The following CCDC66 variants were observed in gnomAD, a reference collection of about 807,000 sequenced individuals.
The protein encoded by CCDC66 is coiled-coil domain-containing protein 66.
CCDC66 carries 133 observed loss-of-function variants against 128.3 expected under a neutral mutation model. That is an observed-to-expected ratio of 1.04 (90% CI 0.90 to 1.20). CCDC66 has a LOEUF of 1.20. Among genes scored for constraint, CCDC66 ranks in the 50% most tolerant of loss-of-function variants. CCDC66 has a pLI of 0.00. For missense variants in CCDC66, 1,126 were observed against 1,075.5 expected, an observed-to-expected ratio of 1.05 and a Z score of -0.66; for synonymous variants, 387 against 357.0, an observed-to-expected ratio of 1.08 and a Z score of -0.95.
Position 56,619,904 on chromosome 3 carries a change from A to G in CCDC66, c.2760+3A>G. On this transcript the variant is annotated splice_donor_region_variant and intron_variant, in intron 17 of 17. Coordinates refer to ENST00000394672, the MANE Select transcript of CCDC66 (RefSeq NM_001141947.3). Reference sequence around the variant, plus strand: ...AGGGACTTTCAGAACTGAGACAGGTATGAGCTTTTTCAAGTGTAGATATGT... The same window carrying G: ...AGGGACTTTCAGAACTGAGACAGGTGTGAGCTTTTTCAAGTGTAGATATGT... The G allele has an allele frequency of 1.2e-6, 2 of 1,613,552 alleles. No individual in the cohort carries two copies. Among genetic ancestry groups the G allele is most frequent in the Non-Finnish European group, 1.7e-6 (2 of 1,179,714 alleles).
intron 13 of CCDC66, chr3:56,616,588 T>G (rs1365346352): frequency 6.4e-6 from 1 of 156,318 alleles, no homozygotes; most frequent in Non-Finnish European, 1.4e-5. Flanking sequence ...TCTCCACTTT[T>G]TGGCTATGAA....
intron 10 of CCDC66, among the ~76,000 whole-genome samples, chr3:56,609,383 G>C (rs2074487358): frequency 1.3e-5 from 2 of 152,158 alleles, no homozygotes; most frequent in South Asian, 4.1e-4. Flanking sequence ...TTGCTTTAAA[G>C]TTTGTTTTGT....
At chr3:56,611,202 A>G (rs1334752451) in intron 10 of CCDC66, among the ~76,000 whole-genome samples, 3 of 151,962 alleles carry the variant, frequency 2.0e-5, no homozygotes, top group South Asian at 2.1e-4. Flanking sequence ...GGGCGGGGCT[A>G]GGTGTGTCTG....
At chr3:56,615,017 C>G in intron 11 of CCDC66, 111 bp from the exon 12 acceptor site, 1 of 1,098,330 alleles carries the variant, frequency 9.1e-7, no homozygotes, top group East Asian at 2.6e-5. Context: ...CCCTTAGTGT[C>G]TAAACAAGTG....
Position 56,621,777 on chromosome 3 carries a change from T to A in CCDC66, c.*159T>A. ...ATGTAGTAAAATGCTGTACTTGTTC[T>A]ATACAATAAAACAGATACTTCTTTT... On this transcript the variant is annotated 3_prime_UTR_variant, in exon 18 of 18. Transcript: ENST00000394672. 1 of 321,752 alleles carries A rather than the reference T, an allele frequency of 3.1e-6. No individual in the cohort carries two copies. Among genetic ancestry groups the A allele is most frequent in the Non-Finnish European group, 5.6e-6 (1 of 177,960 alleles). 19.9% of individuals were successfully genotyped at this position (321,752 alleles called of 1,614,324 possible). A position where few individuals can be genotyped will look rare whatever the true frequency, so the allele number is the denominator to read the frequency against.
At chr3:56,599,622 A>C (rs1244314984) in intron 10 of CCDC66, among the ~76,000 whole-genome samples, 1 of 151,498 alleles carries the variant, frequency 6.6e-6, no homozygotes, top group East Asian at 1.9e-4. Context: ...AATTTTTTTA[A>C]ATTTTTTCCT....
At position 56,617,599 on chromosome 3, in the gene CCDC66, C is replaced by A; in HGVS notation, c.2331C>A (p.Val777=). The A allele has an allele frequency of 6.3e-7, 1 of 1,594,274 alleles. No homozygotes were observed. The highest frequency in any genetic ancestry group is 2.2e-5 in the East Asian group (1 of 44,796). ...AGTCAAAGTTGAGGTGGCATCTAGT[C>A]AAAAAGGTAAAGCTCTTCCATCTTA... The part of the protein sequence containing the change: ...ETESKLRWHL[V]KKEEEPLNIH... Residue 777 remains valine, a synonymous_variant, in exon 14 of 18, where the codon GTC becomes GTA. Coordinates refer to ENST00000394672, the MANE Select transcript of CCDC66 (RefSeq NM_001141947.3).
In CCDC66 at chr3:56,617,101, C is replaced by CT. The variant is rs576848832; in HGVS notation, c.1844-3dup. On this transcript the variant is annotated splice_polypyrimidine_tract_variant and intron_variant, in intron 13 of 17. Coordinates refer to ENST00000394672, the MANE Select transcript of CCDC66 (RefSeq NM_001141947.3). ...TACAATTTTTAAAAATCATTTGCAA[C>CT]TTTTTTTTAGATGACTTAAATATAG... 7.1e-5 allele frequency: 106 copies of CT among 1,494,008 alleles called. No homozygotes were observed. The highest frequency in any genetic ancestry group is 3.7e-4 in the African/African-American group (26 of 70,136). 92.5% of individuals were successfully genotyped at this position (1,494,008 alleles called of 1,614,324 possible). A position where few individuals can be genotyped will look rare whatever the true frequency, so the allele number is the denominator to read the frequency against.
In CCDC66 at chr3:56,571,185, A is replaced by G. The variant is rs534457489; in HGVS notation, c.819A>G (p.Glu273=). Residue 273 remains glutamate (E), a synonymous_variant, in exon 7 of 18, where the codon GAA becomes GAG. Coordinates refer to ENST00000394672, the MANE Select transcript of CCDC66 (RefSeq NM_001141947.3). ...KKAQWRKELD[E]QVALKKKEKE... ...TAAAAAGGACATTATTTACAGATGAACAGGTTGCTTTAAAGAAGAAAGAAA... is the reference window on the plus strand; with the variant it reads ...TAAAAAGGACATTATTTACAGATGAGCAGGTTGCTTTAAAGAAGAAAGAAA... 1.3e-6 allele frequency: 2 copies of G among 1,515,508 alleles called. No individual in the cohort carries two copies. Among genetic ancestry groups the G allele is most frequent in the East Asian group, 2.3e-5 (1 of 43,532 alleles). The allele number at this position is 1,515,508 out of a possible 1,614,324, so 93.9% of individuals were successfully genotyped here. A position where few individuals can be genotyped will look rare whatever the true frequency, so the allele number is the denominator to read the frequency against.
chr3:56,598,910 G>T (rs867045282), intron 10 of CCDC66, among the ~76,000 whole-genome samples: 2 of 152,034 alleles, frequency 1.3e-5, no homozygotes, highest in Middle Eastern at 3.4e-3. Context: ...CTCTGGCTTT[G>T]GTATCAGGGT....
chr3:56,611,578 G>A (rs1223718702), intron 10 of CCDC66, among the ~76,000 whole-genome samples: 1 of 104,176 alleles, frequency 9.6e-6, no homozygotes, highest in East Asian at 2.5e-4. Context: ...CACCCCCCAC[G>A]CCCAGTTCTG....
intron 1 of CCDC66, chr3:56,557,819 GAGA>G (rs2064551386): frequency 6.5e-6 from 1 of 152,924 alleles, no homozygotes; most frequent in Non-Finnish European, 1.5e-5. Flanking sequence ...TTGATATTTT[GAGA>G]AGATGAGAAG....
In CCDC66 at chr3:56,619,359, G is replaced by A. The variant is rs765670958; in HGVS notation, c.2467G>A (p.Glu823Lys). 2 of 1,613,312 alleles carry A rather than the reference G, an allele frequency of 1.2e-6. No individual in the cohort carries two copies. The highest frequency in any genetic ancestry group is 1.7e-6 in the Non-Finnish European group (2 of 1,179,396). Residue 823 changes from glutamate to lysine, a missense_variant, in exon 16 of 18, where the codon GAG (glutamate) becomes AAG (lysine). By Grantham distance (56) the Glu-to-Lys change is moderately conservative. Coordinates refer to ENST00000394672, the MANE Select transcript of CCDC66 (RefSeq NM_001141947.3). Reference sequence around the variant, plus strand: ...TTTACCACTAAAAAACAGTAGCTATGAGAGAGAGAATTTGATCTCAGGAAG... The same window carrying A: ...TTTACCACTAAAAAACAGTAGCTATAAGAGAGAGAATTTGATCTCAGGAAG... The part of the protein sequence containing the change: ...LHLPLKNSSY[E>K]RENLISGSNQ...
At chr3:56,583,934 A>C (rs1259870335) in intron 7 of CCDC66, among the ~76,000 whole-genome samples, 1 of 68,944 alleles carries the variant, frequency 1.5e-5, no homozygotes. Context: ...GCTGCCCCCC[A>C]CCTCCCTCCC....
At chr3:56,566,786 G>T (rs372914413) in intron 5 of CCDC66, 27 bp downstream of exon 5, 8 of 1,592,356 alleles carry the variant, frequency 5.0e-6, no homozygotes, top group African/African-American at 4.1e-5. Context: ...TGTTGTTATT[G>T]TGTGGTCATC....
At position 56,588,460 on chromosome 3, in the gene CCDC66, A is replaced by AT. The variant is rs553608894; in HGVS notation, c.937-4503dup. 2.2e-3 allele frequency among the ~76,000 whole-genome samples: 328 copies of AT among 152,228 alleles called. 1 individual carries two copies. The highest frequency in any genetic ancestry group is 2.8e-3 in the Non-Finnish European group (189 of 67,976). ...TCCCCCAAAACCTATAGAAATAAAAATTTTTTTAAAAAGTAATTGCAGTTT... is the reference window on the plus strand; with the variant it reads ...TCCCCCAAAACCTATAGAAATAAAAATTTTTTTTAAAAAGTAATTGCAGTTT... On this transcript the variant is annotated intron_variant, in intron 7 of 17. Coordinates refer to ENST00000394672, the MANE Select transcript of CCDC66 (RefSeq NM_001141947.3).
chr3:56,575,858 G>A (rs2067287006), intron 7 of CCDC66, among the ~76,000 whole-genome samples: 1 of 151,680 alleles, frequency 6.6e-6, no homozygotes, highest in Non-Finnish European at 1.5e-5. Context: ...AATGGTGTTG[G>A]CTCCCTTGTC....
intron 13 of CCDC66, chr3:56,616,268 C>A: frequency 2.4e-6 from 1 of 418,884 alleles, no homozygotes; most frequent in Non-Finnish European, 4.2e-6. Flanking sequence ...AGTGGTGCAA[C>A]CATTACCACA....
intron 7 of CCDC66, among the ~76,000 whole-genome samples, chr3:56,590,897 G>C (rs528078389): frequency 6.6e-6 from 1 of 152,178 alleles, no homozygotes; most frequent in Non-Finnish European, 1.5e-5. Flanking sequence ...TTCTTTAACT[G>C]TATGGAGGAT....
Sources: allele counts gnomAD v4.1 joint callset (sites outside exome capture counted in the v4.1 genomes callset), GRCh38; gene constraint gnomAD v4.1.1; transcripts MANE v1.5; gene names NCBI Gene and HGNC (gene_info 2026-07-23, HGNC 2026-07-21).